Variants in RGS7 observed in about 807,000 individuals in gnomAD.
RGS7 encodes the protein regulator of G protein signaling 7, also known as regulator of G-protein signaling 7.
A neutral mutation model predicts 81.1 loss-of-function variants in RGS7; 27 were observed. The ratio of observed to expected loss-of-function variants is 0.33; its 90% confidence interval spans 0.25 to 0.46. The LOEUF (loss-of-function observed/expected upper bound fraction) is 0.46. Among genes scored for constraint, RGS7 ranks in the 20% least tolerant of loss-of-function variants. The pLI, the probability that RGS7 is intolerant of heterozygous loss-of-function variation, is 1.00. For synonymous variants in RGS7, 208 were observed against 207.7 expected (o/e 1.00, Z -0.01); for missense variants, 396 against 607.4 (o/e 0.65, Z 3.66).
chr1:240,868,121 A>G lies in RGS7; in HGVS notation c.609+466T>C, dbSNP rs1326236754. ...AGAAAAAGAAAGAAAAGAAAAGGAAAGAAAGAAAGAAAGAAAGAAAGAAAG... is the reference window on the plus strand; with the variant it reads ...AGAAAAAGAAAGAAAAGAAAAGGAAGGAAAGAAAGAAAGAAAGAAAGAAAG... On this transcript the variant is annotated intron_variant, in intron 9 of 18. Coordinates refer to ENST00000440928, the MANE Select transcript of RGS7 (RefSeq NM_001364886.1). This position sits in a 1 kb window ranked among gnomAD's most constrained non-coding sequence, Gnocchi z 5.1. 1.0e-5 allele frequency among the ~76,000 whole-genome samples: 1 copy of G among 99,200 alleles called. No individual in the cohort carries two copies. The highest frequency in any genetic ancestry group is 9.5e-5 in the Admixed American group (1 of 10,576). The allele number at this position is 99,200 out of a possible 152,430, so 65.1% of individuals were successfully genotyped here.
chr1:241,165,948 C>G (rs948317822), intron 2 of RGS7, among the ~76,000 whole-genome samples: 1 of 152,074 alleles, frequency 6.6e-6, no homozygotes, highest in Non-Finnish European at 1.5e-5. Flanking sequence ...AACACAAATT[C>G]GTAGGCCCCG....
chr1:241,293,368 G>A (rs1044451415), intron 2 of RGS7, among the ~76,000 whole-genome samples: 2 of 151,974 alleles, frequency 1.3e-5, no homozygotes, highest in East Asian at 1.9e-4. Flanking sequence ...TTTTACTTAC[G>A]TAAGTAGAAG....
intron 3 of RGS7, among the ~76,000 whole-genome samples, chr1:241,005,782 G>T (rs901792758): frequency 1.3e-5 from 2 of 152,052 alleles, no homozygotes; most frequent in African/African-American, 4.8e-5. Flanking sequence ...TGATCCACCC[G>T]CCTTGGCCTC....
At chr1:240,929,544 C>T (rs926608094) in intron 6 of RGS7, among the ~76,000 whole-genome samples, 2 of 151,942 alleles carry the variant, frequency 1.3e-5, no homozygotes, top group Non-Finnish European at 2.9e-5. Context: ...CTTGGATGAT[C>T]GACTAAATTC....
intron 3 of RGS7, among the ~76,000 whole-genome samples, chr1:241,040,037 C>A (rs972409564): frequency 6.6e-6 from 1 of 152,116 alleles, no homozygotes; most frequent in Admixed American, 6.5e-5. Flanking sequence ...TCTTAATATG[C>A]TATCCTAAGT....
intron 15 of RGS7, among the ~76,000 whole-genome samples, chr1:240,803,925 C>G (rs1407012024): frequency 6.6e-6 from 1 of 151,686 alleles, no homozygotes; most frequent in Non-Finnish European, 1.5e-5. Flanking sequence ...TTAAACACAA[C>G]AGCAATAATT....
chr1:241,348,379 A>G (rs1238977847), intron 2 of RGS7, among the ~76,000 whole-genome samples: 1 of 152,196 alleles, frequency 6.6e-6, no homozygotes, highest in Non-Finnish European at 1.5e-5. Flanking sequence ...GAGAAAAAAA[A>G]GCATCTAATC....
chr1:240,820,331 C>T (rs752513144), intron 10 of RGS7, among the ~76,000 whole-genome samples: 1 of 152,128 alleles, frequency 6.6e-6, no homozygotes, highest in Non-Finnish European at 1.5e-5. Flanking sequence ...GGTGCTAAGA[C>T]AAGCACTTTT....
At chr1:241,274,301 A>C (rs1012312701) in intron 2 of RGS7, among the ~76,000 whole-genome samples, 2 of 152,252 alleles carry the variant, frequency 1.3e-5, no homozygotes, top group African/African-American at 4.8e-5. Context: ...GATATGTAAA[A>C]AGAGAACAGT....
chr1:241,287,277 A>C (rs1180814664), intron 2 of RGS7, among the ~76,000 whole-genome samples: 2 of 152,184 alleles, frequency 1.3e-5, no homozygotes, highest in African/African-American at 2.4e-5. Context: ...CTCATCTTGA[A>C]TTGTAGCTCC....
At chr1:241,008,260 C>A (rs1047218615) in intron 3 of RGS7, among the ~76,000 whole-genome samples, 1 of 152,034 alleles carries the variant, frequency 6.6e-6, no homozygotes, top group African/African-American at 2.4e-5. Flanking sequence ...CTATATATAG[C>A]AAAGATTCAG....
At chr1:241,001,372 G>T (rs1688117783) in intron 3 of RGS7, among the ~76,000 whole-genome samples, 1 of 152,000 alleles carries the variant, frequency 6.6e-6, no homozygotes, top group South Asian at 2.1e-4. Flanking sequence ...GAACTGTACG[G>T]TATAAAAAAG....
intron 9 of RGS7, among the ~76,000 whole-genome samples, chr1:240,847,725 T>C (rs1659354046): frequency 6.6e-6 from 1 of 152,160 alleles, no homozygotes; most frequent in South Asian, 2.1e-4. Context: ...ATCCATAACA[T>C]TACCATTCTT....
At chr1:240,898,734 TG>T (rs762989779) in intron 6 of RGS7, among the ~76,000 whole-genome samples, 2 of 152,228 alleles carry the variant, frequency 1.3e-5, no homozygotes, top group Non-Finnish European at 2.9e-5. Context: ...AAGTGTGATG[TG>T]GTCCTGAGAA....
In RGS7 at chr1:241,090,242, T is replaced by C. The variant is rs2063791835; in HGVS notation, c.175+8424A>G. Among the ~76,000 whole-genome samples, 5 of 151,952 alleles carry C rather than the reference T, an allele frequency of 3.3e-5. 1 individual carries two copies. In the South Asian group the frequency reaches 1.0e-3, roughly 31 times the overall value. On this transcript the variant is annotated intron_variant, in intron 3 of 18. Coordinates refer to ENST00000440928, the MANE Select transcript of RGS7 (RefSeq NM_001364886.1). ...GAGATAAGATTTTGCAGTAGAGAAA[T>C]ACAAGCATACATGGTCCAAGCTAAG... is the stretch of plus-strand genomic sequence containing the variant.
At chr1:240,875,530 T>G (rs1665256122) in intron 6 of RGS7, among the ~76,000 whole-genome samples, 1 of 152,198 alleles carries the variant, frequency 6.6e-6, no homozygotes, top group Non-Finnish European at 1.5e-5. Context: ...CTGATTTTAT[T>G]TTCTTTGGGT....
rs372212447 is a variant in RGS7, at chr1:240,910,199, C to G, written c.385+20518G>C. On this transcript the variant is annotated intron_variant, in intron 6 of 18. Transcript: ENST00000440928. ...ATACTGTCATCAAGTTTCGGTTCCT[C>G]AAAAGGTCTTGGAGCTGTCAGGTGT... Among the ~76,000 whole-genome samples the G allele has an allele frequency of 2.6e-4, 40 of 152,288 alleles. 1 individual carries two copies. The East Asian group carries it at 6.2e-3, about 24-fold the overall frequency.
At chr1:240,969,753 G>C (rs757437001) in intron 4 of RGS7, among the ~76,000 whole-genome samples, 1 of 152,184 alleles carries the variant, frequency 6.6e-6, no homozygotes, top group Non-Finnish European at 1.5e-5. Context: ...TCTAACAAAC[G>C]TACTGTGTTG....
intron 16 of RGS7, among the ~76,000 whole-genome samples, chr1:240,802,355 T>A (rs1028787904): frequency 3.3e-5 from 5 of 152,176 alleles, no homozygotes; most frequent in African/African-American, 1.2e-4. Context: ...AATACCCCCA[T>A]AATGTGCTTG....
Sources: allele counts gnomAD v4.1 joint callset (sites outside exome capture counted in the v4.1 genomes callset), GRCh38; gene constraint gnomAD v4.1.1; non-coding constraint Gnocchi (gnomAD v3.1); transcripts MANE v1.5; gene names NCBI Gene and HGNC (gene_info 2026-07-23, HGNC 2026-07-21).